NRF1: variants seen among roughly 807,000 people sequenced by gnomAD.
The protein encoded by NRF1 is nuclear respiratory factor 1, also known as alpha palindromic-binding protein.
In NRF1, 5 loss-of-function variants were observed where a neutral mutation model predicts 58.5. That is an observed-to-expected ratio of 0.09 (90% CI 0.04 to 0.18). The LOEUF is 0.18. Ranked by LOEUF, NRF1 falls within the 10% of genes least tolerant of loss-of-function variation. The pLI is 1.00. For synonymous variants in NRF1, 224 were observed against 246.7 expected (o/e 0.91, Z 0.86); for missense variants, 288 against 657.7 (o/e 0.44, Z 6.15).
intron 10 of NRF1, among the ~76,000 whole-genome samples, chr7:129,747,986 C>T (rs972055857): frequency 7.2e-5 from 11 of 152,120 alleles, no homozygotes; most frequent in African/African-American, 2.7e-4. Context: ...CATTAAAAGA[C>T]AGTCCTCGGC....
intron 8 of NRF1, 25 bp from the exon 9 acceptor site, chr7:129,717,194 T>C (rs1429810457): frequency 6.4e-7 from 1 of 1,554,752 alleles, no homozygotes; most frequent in Non-Finnish European, 8.7e-7. Context: ...TTTGTTTTTT[T>C]ACTATCTTGT....
chr7:129,619,733 GTTGT>G (rs1375236078), intron 1 of NRF1, among the ~76,000 whole-genome samples: 1 of 76,430 alleles, frequency 1.3e-5, no homozygotes, highest in East Asian at 2.5e-4. Flanking sequence ...TATTGTTTGG[GTTGT>G]TTTTTTTTTT....
intron 4 of NRF1, among the ~76,000 whole-genome samples, chr7:129,680,762 G>A (rs13225629): frequency 0.29 from 44,514 of 152,128 alleles, 8,095 homozygotes; most frequent in Non-Finnish European, 0.42. Context: ...TATTTATAGA[G>A]AGAGAGTGGA....
At chr7:129,725,754 A>C (rs1803439000) in intron 9 of NRF1, among the ~76,000 whole-genome samples, 1 of 152,240 alleles carries the variant, frequency 6.6e-6, no homozygotes, top group Admixed American at 6.5e-5. Context: ...TTTTATTATC[A>C]GAAAAAGATA....
chr7:129,742,360 A>G (rs941522738), intron 10 of NRF1, among the ~76,000 whole-genome samples: 6 of 152,020 alleles, frequency 3.9e-5, no homozygotes, highest in Admixed American at 6.6e-5. Flanking sequence ...CTAAATATGG[A>G]AACCGAGACA....
chr7:129,626,755 TCTC>T lies in NRF1; in HGVS notation c.-7+14934_-7+14936del, dbSNP rs571096949. 2.1e-3 allele frequency among the ~76,000 whole-genome samples: 325 copies of T among 152,326 alleles called. 1 individual carries two copies. Among genetic ancestry groups the T allele is most frequent in the African/African-American group, 6.8e-3 (282 of 41,568 alleles). ...GTTGGGCAGATGGATGCATCTTTAT[TCTC>T]CTTCTGTGATCAGGAAATCAGGTAC... On this transcript the variant is annotated intron_variant, in intron 1 of 10. Transcript: ENST00000393232.
intron 4 of NRF1, among the ~76,000 whole-genome samples, chr7:129,679,877 G>A (rs1414243206): frequency 6.6e-6 from 1 of 151,862 alleles, no homozygotes; most frequent in Non-Finnish European, 1.5e-5. Flanking sequence ...GGCCAATATG[G>A]TGAAACCCCA....
At chr7:129,667,859 C>CT (rs1801957452) in intron 2 of NRF1, among the ~76,000 whole-genome samples, 1 of 151,954 alleles carries the variant, frequency 6.6e-6, no homozygotes. Context: ...GCCTCAAACT[C>CT]TTAGTCTCAA....
intron 1 of NRF1, among the ~76,000 whole-genome samples, chr7:129,619,396 GTATATATATATATATATATATATATA>G (rs749333673): frequency 4.2e-5 from 2 of 47,366 alleles, no homozygotes; most frequent in African/African-American, 2.1e-4. Flanking sequence ...TGGCATACGT[GTATATATATATATATATATATATATA>G]TATATATATA....
At chr7:129,654,856 C>T (rs754313053) in intron 1 of NRF1, among the ~76,000 whole-genome samples, 1 of 152,182 alleles carries the variant, frequency 6.6e-6, no homozygotes, top group Non-Finnish European at 1.5e-5. Flanking sequence ...ATCTTGATTA[C>T]TGTAGGTTTA....
chr7:129,616,090 G>A (rs1800654016), intron 1 of NRF1, among the ~76,000 whole-genome samples: 1 of 152,068 alleles, frequency 6.6e-6, no homozygotes, highest in African/African-American at 2.4e-5. Flanking sequence ...TTTTTCAAAA[G>A]TGCACTTCAG....
intron 1 of NRF1, among the ~76,000 whole-genome samples, chr7:129,623,421 T>C (rs1303665682): frequency 2.0e-5 from 3 of 152,180 alleles, no homozygotes; most frequent in Non-Finnish European, 4.4e-5. Flanking sequence ...TTCAAAAGAT[T>C]TTGTATAGAT....
At chr7:129,665,403 G>A (rs1353671267) in intron 2 of NRF1, among the ~76,000 whole-genome samples, 1 of 152,156 alleles carries the variant, frequency 6.6e-6, no homozygotes, top group Non-Finnish European at 1.5e-5. Flanking sequence ...TATCTGAAAG[G>A]TGACCCAGAA....
At chr7:129,715,674 A>C (rs1409656816) in intron 8 of NRF1, among the ~76,000 whole-genome samples, 2 of 152,216 alleles carry the variant, frequency 1.3e-5, no homozygotes, top group Non-Finnish European at 2.9e-5. Context: ...TAATAGCAAA[A>C]GACTGTAAAC....
rs150378833 is a variant in NRF1, at chr7:129,679,458, A to T, written c.465+1700A>T. ...AAAAAAACTGATATATATTGAGAAT[A>T]TATAAAGAATTCTTACAACTCAACA... On this transcript the variant is annotated intron_variant, in intron 4 of 10. Transcript: ENST00000393232. 6.8e-3 allele frequency among the ~76,000 whole-genome samples: 1,041 copies of T among 152,360 alleles called. 17 individuals carry two copies. Among genetic ancestry groups the T allele is most frequent in the African/African-American group, 0.024 (1,002 of 41,588 alleles).
At chr7:129,616,751 A>G (rs908357034) in intron 1 of NRF1, among the ~76,000 whole-genome samples, 1 of 152,222 alleles carries the variant, frequency 6.6e-6, no homozygotes, top group Non-Finnish European at 1.5e-5. Flanking sequence ...GCCTTGCCCA[A>G]TCACAACATA....
chr7:129,727,522 G>A (rs1307858606), intron 10 of NRF1, among the ~76,000 whole-genome samples, 157 bp downstream of exon 10: 1 of 152,074 alleles, frequency 6.6e-6, no homozygotes, highest in East Asian at 1.9e-4. Flanking sequence ...GGGAGCCTGT[G>A]ATTCCTTTCA....
chr7:129,728,328 G>A (rs1412544026), intron 10 of NRF1, among the ~76,000 whole-genome samples: 2 of 152,040 alleles, frequency 1.3e-5, no homozygotes, highest in Non-Finnish European at 2.9e-5. Flanking sequence ...AGACCAGCCT[G>A]GCCAACATGG....
At chr7:129,664,037 A>G (rs1002376864) in intron 2 of NRF1, among the ~76,000 whole-genome samples, 1 of 151,900 alleles carries the variant, frequency 6.6e-6, no homozygotes, top group African/African-American at 2.4e-5. Context: ...AGGCAGGAGA[A>G]TCACCGGAGC....
Sources: allele counts gnomAD v4.1 joint callset (sites outside exome capture counted in the v4.1 genomes callset), GRCh38; gene constraint gnomAD v4.1.1; transcripts MANE v1.5; gene names NCBI Gene and HGNC (gene_info 2026-07-23, HGNC 2026-07-21).